Variants in FAM161B observed in about 807,000 individuals in gnomAD.
FAM161B encodes FAM161 centrosomal protein B, also known as protein FAM161B.
Under a neutral mutation model 61.5 loss-of-function variants are expected in FAM161B, and 46 were observed. That is an observed-to-expected ratio of 0.75 (90% CI 0.59 to 0.96). The LOEUF is 0.96. Ranked by LOEUF, FAM161B falls within the 40% of genes least tolerant of loss-of-function variation. FAM161B has a pLI of 0.00. For synonymous variants in FAM161B, 284 were observed against 302.7 expected, an observed-to-expected ratio of 0.94 and a Z score of 0.64; for missense variants, 774 against 800.7, an observed-to-expected ratio of 0.97 and a Z score of 0.40.
At position 73,934,059 on chromosome 14, in the gene FAM161B, T is replaced by A; in HGVS notation, c.*197A>T. Reference sequence around the variant, plus strand: ...CTGGTCTCAAACTCCTGACCTCAGATGATCTGCCTGCCTCAGCCTCCCAAA... The same window carrying A: ...CTGGTCTCAAACTCCTGACCTCAGAAGATCTGCCTGCCTCAGCCTCCCAAA... On this transcript the variant is annotated 3_prime_UTR_variant, in exon 9 of 9. Transcript: ENST00000286544. The A allele has an allele frequency of 1.9e-6, 1 of 539,494 alleles. No homozygotes were observed. Among genetic ancestry groups the A allele is most frequent in the Non-Finnish European group, 3.1e-6 (1 of 319,478 alleles). The allele number at this position is 539,494 out of a possible 1,614,324, so 33.4% of individuals were successfully genotyped here.
chr14:73,948,811 C>T (rs2056093033), intron 1 of FAM161B, among the ~76,000 whole-genome samples: 1 of 152,166 alleles, frequency 6.6e-6, no homozygotes, highest in Non-Finnish European at 1.5e-5. Context: ...CTACTTTTTG[C>T]CTTTAATAGT....
chr14:73,928,145 G>C (rs1594770305), downstream of FAM161B, among the ~76,000 whole-genome samples: 1 of 152,228 alleles, frequency 6.6e-6, no homozygotes, highest in South Asian at 2.1e-4. Flanking sequence ...AGCCTAAACT[G>C]GCAGTTTTTA....
Position 73,937,679 on chromosome 14 carries a change from T to A in FAM161B, c.1588A>T (p.Lys530Ter). Reference protein sequence around the residue: ...ENRNNDRKRAKEYKKELEEMK... With the variant: ...ENRNNDRKRA ...TCCTCCAGTTCTTTCTTATATTCTT[T>A]CGCTCTTTTACGGTCATTGTTCCTG... is the stretch of plus-strand genomic sequence containing the variant. Residue 530 changes from lysine to a stop codon, truncating the protein, a stop_gained, in exon 7 of 9, where the codon AAA becomes TAA. Transcript: ENST00000286544. LOFTEE classifies it high-confidence loss of function. 1.2e-6 allele frequency: 2 copies of A among 1,614,144 alleles called. No individual in the cohort carries two copies. The highest frequency in any genetic ancestry group is 1.7e-6 in the Non-Finnish European group (2 of 1,180,040).
At position 73,941,079 on chromosome 14, in the gene FAM161B, G is replaced by A. The variant is rs201759346; in HGVS notation, c.1273-26C>T. ...CTAGAAGAAACAAAGGTTGGTATTGGTGGGACAGCATGTGTGATTAGTTTC... is the reference window on the plus strand; with the variant it reads ...CTAGAAGAAACAAAGGTTGGTATTGATGGGACAGCATGTGTGATTAGTTTC... On this transcript the variant is annotated intron_variant, in intron 4 of 8. Coordinates refer to ENST00000286544, the MANE Select transcript of FAM161B (RefSeq NM_152445.3). 60 of 1,593,612 alleles carry A rather than the reference G, an allele frequency of 3.8e-5. No individual in the cohort carries two copies. The African/African-American group carries it at 5.7e-4, about 15-fold the overall frequency.
At chr14:73,931,551 C>A, downstream of FAM161B, 1 of 1,610,208 alleles carries the variant, frequency 6.2e-7, no homozygotes, top group East Asian at 2.2e-5. Flanking sequence ...AGCGTGGGTG[C>A]TGACTCCTGG....
chr14:73,941,108 C>CTTTTTT lies in FAM161B; in HGVS notation c.1273-61_1273-56dup, dbSNP rs11358501. 6 of 956,716 alleles carry CTTTTTT rather than the reference C, an allele frequency of 6.3e-6. No homozygotes were observed. In the African/African-American group the frequency reaches 9.2e-5, roughly 15 times the overall value. The allele number at this position is 956,716 out of a possible 1,614,324, so 59.3% of individuals were successfully genotyped here. ...GACAGCATGTGTGATTAGTTTCTAT[C>CTTTTTT]TTTTTTTTTTTTTTTTTTTTTTGAG... On this transcript the variant is annotated intron_variant, in intron 4 of 8. Coordinates refer to ENST00000286544, the MANE Select transcript of FAM161B (RefSeq NM_152445.3).
downstream of FAM161B, among the ~76,000 whole-genome samples, chr14:73,928,796 A>G (rs2055870718): frequency 6.6e-6 from 1 of 152,138 alleles, no homozygotes; most frequent in South Asian, 2.1e-4. Context: ...GTTTTTTAAA[A>G]AATTATCCAG....
At chr14:73,931,701 T>C, downstream of FAM161B, 1 of 659,228 alleles carries the variant, frequency 1.5e-6, no homozygotes, top group East Asian at 2.9e-5. Flanking sequence ...AAGATGGATG[T>C]AGGAGAGCTT....
rs938950699 is a variant in FAM161B at position 73,934,468 on chromosome 14, G to A, written c.1806-74C>T. The A allele has an allele frequency of 7.0e-6, 10 of 1,419,972 alleles. No individual in the cohort carries two copies. The East Asian group carries it at 2.4e-4, about 34-fold the overall frequency. The allele number at this position is 1,419,972 out of a possible 1,614,324, so 88.0% of individuals were successfully genotyped here. A position where few individuals can be genotyped will look rare whatever the true frequency, so the allele number is the denominator to read the frequency against. On this transcript the variant is annotated intron_variant, in intron 8 of 8. Coordinates refer to ENST00000286544, the MANE Select transcript of FAM161B (RefSeq NM_152445.3). ...ACAGGGTCTCACTCTCACCCAGGCT[G>A]GAGTGCAGTGGCATGATCTCAGCTC...
At position 73,942,650 on chromosome 14, in the gene FAM161B, A is replaced by C; in HGVS notation, c.991T>G (p.Ser331Ala). ...RALDMLQMASSPIASSSNRAN... is the reference protein window; with the variant it reads ...RALDMLQMASAPIASSSNRAN... The stretch of plus-strand genomic sequence containing the variant: ...CGGTTACTAGAGGAGGCGATAGGGG[A>C]AGAGGCCATCTGGAGCATGTCCAGG... The change falls in exon 4 of 9, where the codon TCC becomes GCC. Residue 331 changes from serine (S) to alanine (A), a missense_variant. Physicochemically the swap from Ser to Ala is moderately conservative, Grantham distance 99. Transcript: ENST00000286544. The C allele has an allele frequency of 6.2e-7, 1 of 1,614,134 alleles. No homozygotes were observed. Among genetic ancestry groups the C allele is most frequent in the Non-Finnish European group, 8.5e-7 (1 of 1,180,028 alleles).
chr14:73,928,707 G>A (rs930618037), downstream of FAM161B, among the ~76,000 whole-genome samples: 3 of 152,156 alleles, frequency 2.0e-5, no homozygotes, highest in Non-Finnish European at 2.9e-5. Flanking sequence ...ACTTTTGGAA[G>A]CTAAGGTGGG....
At chr14:73,941,915 G>A (rs2005782) in intron 4 of FAM161B, among the ~76,000 whole-genome samples, 121,501 of 152,194 alleles carry the variant, frequency 0.8, 49,445 homozygotes, top group East Asian at 0.93. Flanking sequence ...CATGTTGGCC[G>A]TGCTGGTCTC....
At position 73,950,055 on chromosome 14, in the gene FAM161B, T is replaced by G; in HGVS notation, c.-29A>C. ...AGCTGGACAGAGGCAGCAGCGACAG[T>G]GACAGCGATAGTGGCAGCAGCGGTG... On this transcript the variant is annotated 5_prime_UTR_variant, in exon 1 of 9. Transcript: ENST00000286544. 3.7e-6 allele frequency: 6 copies of G among 1,610,448 alleles called. No individual in the cohort carries two copies. The highest frequency in any genetic ancestry group is 5.1e-6 in the Non-Finnish European group (6 of 1,179,986).
chr14:73,939,004 A>C (rs1644691300), intron 5 of FAM161B, among the ~76,000 whole-genome samples: 1 of 151,896 alleles, frequency 6.6e-6, no homozygotes, highest in African/African-American at 2.4e-5. Flanking sequence ...GTCAGTTAAA[A>C]TATCCTTACT....
chr14:73,931,646 G>GGTGT, downstream of FAM161B: 1 of 1,054,416 alleles, frequency 9.5e-7, no homozygotes, highest in Non-Finnish European at 1.4e-6. Context: ...AATCTTTGAA[G>GGTGT]GCACAAGACT....
intron 2 of FAM161B, among the ~76,000 whole-genome samples, chr14:73,946,008 C>T (rs999665590): frequency 1.3e-5 from 2 of 152,198 alleles, no homozygotes; most frequent in African/African-American, 2.4e-5. Flanking sequence ...TCCCAAAGTG[C>T]TGGAATTACA....
intron 7 of FAM161B, 56 bp from the exon 8 acceptor site, chr14:73,936,144 A>C: frequency 6.6e-7 from 1 of 1,523,382 alleles, no homozygotes; most frequent in Non-Finnish European, 8.9e-7. Context: ...AGACAATTCT[A>C]AATTACTTAA....
chr14:73,944,849 GT>G lies in FAM161B; in HGVS notation c.410del (p.Asn137ThrfsTer41). ...GAGGCCTGGGAATGTTGGAGGGAAG[GT>G]TGTTCAGGGAGCTGCAGCGCCTTGT... ...GSTRRCSSLNNLPSNIPRPQT... is the reference protein window; with the variant it reads ...GSTRRCSSLNXLPSNIPRPQT... On this transcript the variant is annotated frameshift_variant, in exon 3 of 9. Coordinates refer to ENST00000286544, the MANE Select transcript of FAM161B (RefSeq NM_152445.3). LOFTEE classifies it high-confidence loss of function. 6.5e-7 allele frequency: 1 copy of G among 1,529,362 alleles called. No homozygotes were observed. The highest frequency in any genetic ancestry group is 1.8e-4 in the Middle Eastern group (1 of 5,646). 94.7% of individuals were successfully genotyped at this position (1,529,362 alleles called of 1,614,324 possible). A position where few individuals can be genotyped will look rare whatever the true frequency, so the allele number is the denominator to read the frequency against.
In FAM161B at chr14:73,937,619, AG is replaced by A; in HGVS notation, c.1647del (p.Phe550LeufsTer8). On this transcript the variant is annotated frameshift_variant, in exon 7 of 9. Transcript: ENST00000286544. LOFTEE classifies it high-confidence loss of function. Reference protein sequence around the residue: ...MKQRIQTRPYLFEQVAKDLAK... With the variant: ...MKQRIQTRPYXFEQVAKDLAK... ...AGTTTTACCTTGGCAACTTGTTCAA[AG>A]AGATAGGGCCTTGTTTGTATTCGCT... is the stretch of plus-strand genomic sequence containing the variant. The A allele has an allele frequency of 1.9e-6, 3 of 1,613,516 alleles. No homozygotes were observed. The highest frequency in any genetic ancestry group is 2.5e-6 in the Non-Finnish European group (3 of 1,179,818).
Sources: gnomAD v4.1 joint callset for allele counts (sites outside exome capture counted in the v4.1 genomes callset) on GRCh38, gnomAD v4.1.1 for gene constraint, MANE v1.5 for transcripts, NCBI Gene and HGNC (gene_info 2026-07-23, HGNC 2026-07-21) for gene names.